The following SLC22A3 variants were observed in gnomAD, a reference collection of about 807,000 sequenced individuals.
The protein encoded by SLC22A3 is solute carrier family 22 member 3.
Under a neutral mutation model 59.1 loss-of-function variants are expected in SLC22A3, and 51 were observed. That is an observed-to-expected ratio of 0.86 (90% CI 0.69 to 1.09). SLC22A3 has a LOEUF of 1.09. Ranked by LOEUF, SLC22A3 falls within the 50% of genes least tolerant of loss-of-function variation. SLC22A3 has a pLI of 0.00. For synonymous variants in SLC22A3, 325 were observed against 292.0 expected, an observed-to-expected ratio of 1.11 and a Z score of -1.15; for missense variants, 711 against 726.3, an observed-to-expected ratio of 0.98 and a Z score of 0.24.
chr6:160,411,278 G>T (rs779002341), intron 5 of SLC22A3, among the ~76,000 whole-genome samples: 1 of 151,780 alleles, frequency 6.6e-6, no homozygotes, highest in African/African-American at 2.4e-5. Flanking sequence ...CTTTAAGTTT[G>T]GCCCTGAAAA....
At chr6:160,356,496 T>A (rs1405994901) in intron 1 of SLC22A3, among the ~76,000 whole-genome samples, 1 of 152,154 alleles carries the variant, frequency 6.6e-6, no homozygotes, top group East Asian at 1.9e-4. Context: ...CACACAGTAG[T>A]CTGTGTCATC....
chr6:160,408,734 T>C lies in SLC22A3; in HGVS notation c.689-19T>C. 2 of 1,613,016 alleles carry C rather than the reference T, an allele frequency of 1.2e-6. No individual in the cohort carries two copies. The highest frequency in any genetic ancestry group is 1.7e-6 in the Non-Finnish European group (2 of 1,179,216). ...CTGACCTTGTGCTTCTGTGACCTCT[T>C]GTGTTTGTTTTCCTTTAGTGACAGA... On this transcript the variant is annotated intron_variant, in intron 3 of 10. Coordinates refer to ENST00000275300, the MANE Select transcript of SLC22A3 (RefSeq NM_021977.4).
intron 5 of SLC22A3, among the ~76,000 whole-genome samples, chr6:160,432,551 C>T (rs561038999): frequency 6.6e-6 from 1 of 152,004 alleles, no homozygotes; most frequent in African/African-American, 2.4e-5. Flanking sequence ...CCTCAGCCTC[C>T]CGAGTAGCTG....
intron 7 of SLC22A3, among the ~76,000 whole-genome samples, chr6:160,439,152 G>A (rs1430717758): frequency 6.6e-6 from 1 of 152,034 alleles, no homozygotes; most frequent in Non-Finnish European, 1.5e-5. Context: ...CACTGAACTA[G>A]GAGGGGAATG....
At chr6:160,353,524 C>G (rs1784729848) in intron 1 of SLC22A3, among the ~76,000 whole-genome samples, 1 of 152,094 alleles carries the variant, frequency 6.6e-6, no homozygotes, top group Non-Finnish European at 1.5e-5. Flanking sequence ...AGGAGTGAAC[C>G]AGGGCAGAAA....
chr6:160,411,026 A>G (rs1345507690), intron 5 of SLC22A3, among the ~76,000 whole-genome samples, 180 bp downstream of exon 5: 1 of 151,990 alleles, frequency 6.6e-6, no homozygotes, highest in Non-Finnish European at 1.5e-5. Flanking sequence ...CTGGGAAATC[A>G]TTTTCAGTTT....
chr6:160,415,549 G>A lies in SLC22A3; in HGVS notation c.975+4703G>A, dbSNP rs909256644. ...CAGTTTCCAGGATGTTCAGACCCAC[G>A]ACTGAAGTTCCCAGCAATCTCTTTT... is the stretch of plus-strand genomic sequence containing the variant. On this transcript the variant is annotated intron_variant, in intron 5 of 10. Coordinates refer to ENST00000275300, the MANE Select transcript of SLC22A3 (RefSeq NM_021977.4). This position sits in a 1 kb window ranked among gnomAD's most constrained non-coding sequence, Gnocchi z 4.1. Among the ~76,000 whole-genome samples, 3 of 152,138 alleles carry A rather than the reference G, an allele frequency of 2.0e-5. No individual in the cohort carries two copies. The highest frequency in any genetic ancestry group is 6.5e-5 in the Admixed American group (1 of 15,274).
chr6:160,363,804 A>C (rs2665353), intron 1 of SLC22A3, among the ~76,000 whole-genome samples: 124,139 of 151,886 alleles, frequency 0.82, 50,988 homozygotes, highest in East Asian at 0.92. Context: ...TGCCTTCAAG[A>C]CCGCCTTTGT....
At chr6:160,390,789 C>A (rs1786224627) in intron 1 of SLC22A3, among the ~76,000 whole-genome samples, 1 of 152,134 alleles carries the variant, frequency 6.6e-6, no homozygotes, top group African/African-American at 2.4e-5. Context: ...GCTGATGAAA[C>A]AATATACCAG....
chr6:160,437,354 C>T, intron 7 of SLC22A3, 143 bp downstream of exon 7: 1 of 854,222 alleles, frequency 1.2e-6, no homozygotes, highest in Non-Finnish European at 1.9e-6. Context: ...TCTGCTTAAT[C>T]AGCATAAAAA....
intron 5 of SLC22A3, among the ~76,000 whole-genome samples, chr6:160,414,883 G>A (rs1432620297): frequency 1.3e-5 from 2 of 152,084 alleles, no homozygotes; most frequent in Non-Finnish European, 1.5e-5. Flanking sequence ...AGTTATTTTG[G>A]TGAGTACTCT....
At chr6:160,421,121 A>G (rs1045158043) in intron 5 of SLC22A3, among the ~76,000 whole-genome samples, 3 of 152,174 alleles carry the variant, frequency 2.0e-5, no homozygotes, top group African/African-American at 7.2e-5. Context: ...CAAGATGCTG[A>G]CGCTGTCTTG....
In SLC22A3 at chr6:160,400,084, ATTTTTTTTTT is replaced by A. The variant is rs760874011; in HGVS notation, c.533+2019_533+2028del. ...TCAAAGGAGGGCCCAAGCTTTTGTG[ATTTTTTTTTT>A]TTTTTTTTTTTTTTTTGCCACCTGA... is the stretch of plus-strand genomic sequence containing the variant. On this transcript the variant is annotated intron_variant, in intron 2 of 10. Coordinates refer to ENST00000275300, the MANE Select transcript of SLC22A3 (RefSeq NM_021977.4). Among the ~76,000 whole-genome samples the A allele has an allele frequency of 7.4e-4, 71 of 95,438 alleles. 1 individual carries two copies. The highest frequency in any genetic ancestry group is 1.6e-3 in the African/African-American group (39 of 24,498). 62.6% of individuals were successfully genotyped at this position (95,438 alleles called of 152,430 possible).
chr6:160,425,301 G>T (rs959324962), intron 5 of SLC22A3, among the ~76,000 whole-genome samples: 1 of 152,200 alleles, frequency 6.6e-6, no homozygotes, highest in African/African-American at 2.4e-5. Flanking sequence ...CTGACATGAA[G>T]TTGTCCCAGA....
intron 1 of SLC22A3, among the ~76,000 whole-genome samples, chr6:160,377,151 C>T (rs1478937154): frequency 6.6e-6 from 1 of 152,194 alleles, no homozygotes; most frequent in Non-Finnish European, 1.5e-5. Context: ...AAAGTTTGGT[C>T]TGCAGCCTTT....
intron 1 of SLC22A3, among the ~76,000 whole-genome samples, chr6:160,376,601 C>T (rs182806362): frequency 5.3e-5 from 8 of 152,180 alleles, no homozygotes; most frequent in Non-Finnish European, 8.8e-5. Context: ...AGGCATCTAC[C>T]TGTGTATTTA....
Position 160,404,715 on chromosome 6 carries a change from C to T in SLC22A3, c.534-2326C>T, listed in dbSNP as rs547924836. On this transcript the variant is annotated intron_variant, in intron 2 of 10. Transcript: ENST00000275300. ...ACTTACCGTAAAGCGACAGTAATCA[C>T]GACAGTGTGGTATTTGTGAAAGAAT... is the stretch of plus-strand genomic sequence containing the variant. 1.2e-4 allele frequency among the ~76,000 whole-genome samples: 19 copies of T among 152,084 alleles called. No homozygotes were observed. In the South Asian group the frequency reaches 2.5e-3, roughly 20 times the overall value.
chr6:160,447,878 G>C (rs1228059608), intron 10 of SLC22A3, 60 bp downstream of exon 10: 1 of 1,222,888 alleles, frequency 8.2e-7, no homozygotes, highest in Non-Finnish European at 1.2e-6. Context: ...ACGGGGGAAA[G>C]AATGACATTG....
intron 5 of SLC22A3, among the ~76,000 whole-genome samples, chr6:160,427,387 T>G (rs2114896574): frequency 6.6e-6 from 1 of 152,302 alleles, no homozygotes; most frequent in Non-Finnish European, 1.5e-5. Context: ...CTGGCTGTCC[T>G]TGACCTGTGC....
Sources: gnomAD v4.1 joint callset for allele counts (sites outside exome capture counted in the v4.1 genomes callset) on GRCh38, gnomAD v4.1.1 for gene constraint, Gnocchi (gnomAD v3.1) non-coding constraint, MANE v1.5 for transcripts, NCBI Gene and HGNC (gene_info 2026-07-23, HGNC 2026-07-21) for gene names.